The following TADA2A variants were observed in gnomAD, a reference collection of about 807,000 sequenced individuals.
TADA2A encodes transcriptional adaptor 2A, also known as transcriptional adapter 2-alpha.
A neutral mutation model predicts 67.4 loss-of-function variants in TADA2A; 38 were observed. The ratio of observed to expected loss-of-function variants is 0.56; its 90% CI spans 0.44 to 0.74. The LOEUF is 0.74. TADA2A is among the 30% of genes least tolerant of loss of function. The pLI, the probability that TADA2A is intolerant of heterozygous loss-of-function variation, is 0.00. For synonymous variants in TADA2A, 192 were observed against 181.6 expected (o/e 1.06, Z -0.46); for missense variants, 454 against 547.0 (o/e 0.83, Z 1.70).
chr17:37,465,255 A>G (rs192128571), intron 10 of TADA2A, among the ~76,000 whole-genome samples, 176 bp from the exon 11 acceptor site: 8 of 152,108 alleles, frequency 5.3e-5, no homozygotes, highest in Non-Finnish European at 1.0e-4. Flanking sequence ...TGCTGTCATT[A>G]TGATTAGTGT....
chr17:37,428,391 A>G lies in TADA2A; in HGVS notation c.192+1382A>G, dbSNP rs1034665589. Among the ~76,000 whole-genome samples the G allele has an allele frequency of 3.9e-5, 6 of 152,222 alleles. 1 individual carries two copies. The highest frequency in any genetic ancestry group is 3.3e-4 in the Admixed American group (5 of 15,274). ...GCCTTAAGGTTTTAGGAAGGATGCC[A>G]CTGTTTTGATCAGGGCATGTTCTCC... is the stretch of plus-strand genomic sequence containing the variant. On this transcript the variant is annotated intron_variant, in intron 4 of 15. Coordinates refer to ENST00000615182, the MANE Select transcript of TADA2A (RefSeq NM_001166105.3).
At chr17:37,440,765 C>A in intron 6 of TADA2A, 103 bp downstream of exon 6, 1 of 1,386,778 alleles carries the variant, frequency 7.2e-7, no homozygotes, top group Non-Finnish European at 9.9e-7. Context: ...CTAATGATAT[C>A]ACGGAAGATA....
At chr17:37,412,424 C>T (rs1597839235) in intron 2 of TADA2A, among the ~76,000 whole-genome samples, 1 of 151,912 alleles carries the variant, frequency 6.6e-6, no homozygotes, top group African/African-American at 2.4e-5. Flanking sequence ...GAGTAAACCA[C>T]GGTAGAATAA....
Position 37,427,665 on chromosome 17 carries a change from G to A in TADA2A, c.192+656G>A, listed in dbSNP as rs192023334. ...AAAGTGAATATCCAGTCTGCTTGAC[G>A]GGTATATATACCTTTGTCAAGATAG... is the stretch of plus-strand genomic sequence containing the variant. On this transcript the variant is annotated intron_variant, in intron 4 of 15. Transcript: ENST00000615182. Among the ~76,000 whole-genome samples, 372 of 152,188 alleles carry A rather than the reference G, an allele frequency of 2.4e-3. 2 individuals are homozygous for A. Among genetic ancestry groups the A allele is most frequent in the Middle Eastern group, 3.4e-3 (1 of 294 alleles).
chr17:37,474,310 CTGTA>C (rs1413718108), intron 14 of TADA2A, among the ~76,000 whole-genome samples: 1 of 152,122 alleles, frequency 6.6e-6, no homozygotes, highest in African/African-American at 2.4e-5. Context: ...GTATGTGTGA[CTGTA>C]TGTGTATTTT....
chr17:37,416,202 T>G (rs2052040574), intron 2 of TADA2A, among the ~76,000 whole-genome samples: 1 of 150,840 alleles, frequency 6.6e-6, no homozygotes, highest in African/African-American at 2.4e-5. Context: ...CACCGTAACC[T>G]CTGTCTCCCG....
chr17:37,445,684 C>G (rs1261953462), intron 8 of TADA2A, among the ~76,000 whole-genome samples: 1 of 151,650 alleles, frequency 6.6e-6, no homozygotes, highest in East Asian at 1.9e-4. Flanking sequence ...GACTTTGAGT[C>G]CCTTTTTTCC....
intron 1 of TADA2A, among the ~76,000 whole-genome samples, chr17:37,409,488 C>T (rs1480614738): frequency 2.6e-5 from 4 of 151,200 alleles, no homozygotes; most frequent in Admixed American, 6.6e-5. Context: ...GTGAGTGGGC[C>T]GGGTGCGGTG....
At chr17:37,461,373 G>T (rs2053543807) in intron 9 of TADA2A, among the ~76,000 whole-genome samples, 1 of 152,174 alleles carries the variant, frequency 6.6e-6, no homozygotes, top group Non-Finnish European at 1.5e-5. Context: ...CTCTCTGCAT[G>T]TCTGGAGTTA....
intron 9 of TADA2A, among the ~76,000 whole-genome samples, chr17:37,460,240 T>G (rs373170121): frequency 6.6e-6 from 1 of 151,414 alleles, no homozygotes; most frequent in East Asian, 2.0e-4. Flanking sequence ...TTTATTTTTA[T>G]TTTTTATTTT....
At position 37,440,194 on chromosome 17, in the gene TADA2A, A is replaced by C. The variant is rs549565353; in HGVS notation, c.285-311A>C. ...ACTCCCAACCTCAGGTGATCCACCT[A>C]CCTCCCAAAGTGCTGGGATTACAGG... On this transcript the variant is annotated intron_variant, in intron 5 of 15. Transcript: ENST00000615182. Among the ~76,000 whole-genome samples, 190 of 151,876 alleles carry C rather than the reference A, an allele frequency of 1.3e-3. 1 individual carries two copies. The highest frequency in any genetic ancestry group is 4.4e-3 in the African/African-American group (184 of 41,448).
chr17:37,411,770 C>T (rs2051880440), intron 2 of TADA2A, among the ~76,000 whole-genome samples: 1 of 151,614 alleles, frequency 6.6e-6, no homozygotes, highest in Non-Finnish European at 1.5e-5. Context: ...GGAAGTTGAT[C>T]AAGGAAGAAA....
intron 8 of TADA2A, among the ~76,000 whole-genome samples, chr17:37,448,322 G>A (rs2053138039): frequency 6.6e-6 from 1 of 152,134 alleles, no homozygotes; most frequent in African/African-American, 2.4e-5. Context: ...GGGACACAAT[G>A]GAGGGATAAT....
At chr17:37,442,743 A>C in intron 7 of TADA2A, 91 bp downstream of exon 7, 1 of 1,210,734 alleles carries the variant, frequency 8.3e-7, no homozygotes, top group South Asian at 1.5e-5. Context: ...CCATACCACT[A>C]AAAGGAGATT....
chr17:37,469,988 T>C (rs553202314), intron 12 of TADA2A, among the ~76,000 whole-genome samples: 2 of 152,344 alleles, frequency 1.3e-5, no homozygotes, highest in East Asian at 3.9e-4. Flanking sequence ...TTTGTAATTC[T>C]AATTGTTTTT....
intron 2 of TADA2A, among the ~76,000 whole-genome samples, chr17:37,415,597 C>T (rs1029082462): frequency 7.3e-5 from 11 of 151,372 alleles, no homozygotes; most frequent in Admixed American, 4.6e-4. Context: ...AAGAGTGCCC[C>T]GGCTGGGCGC....
intron 8 of TADA2A, among the ~76,000 whole-genome samples, chr17:37,453,976 T>G (rs1245213744): frequency 2.0e-5 from 3 of 151,984 alleles, no homozygotes; most frequent in Non-Finnish European, 4.4e-5. Flanking sequence ...TTTCACCATG[T>G]TGGCCAGGCT....
rs141071749 is a variant in TADA2A at position 37,414,977 on chromosome 17, C to T, written c.25+3587C>T. ...CCACGATCTCAGCTTACTGCAGTCT[C>T]CACCTCCTGGATTCAGGTGATTGTC... On this transcript the variant is annotated intron_variant, in intron 2 of 15. Coordinates refer to ENST00000615182, the MANE Select transcript of TADA2A (RefSeq NM_001166105.3). Among the ~76,000 whole-genome samples, 4 of 152,054 alleles carry T rather than the reference C, an allele frequency of 2.6e-5. No homozygotes were observed. In the East Asian group the frequency reaches 7.7e-4, roughly 29 times the overall value.
chr17:37,415,238 A>T (rs2052004400), intron 2 of TADA2A, among the ~76,000 whole-genome samples: 1 of 152,130 alleles, frequency 6.6e-6, no homozygotes, highest in South Asian at 2.1e-4. Flanking sequence ...TTGTACTTTT[A>T]AAAAAATTCT....
Sources: gnomAD v4.1 joint callset for allele counts (sites outside exome capture counted in the v4.1 genomes callset) on GRCh38, gnomAD v4.1.1 for gene constraint, MANE v1.5 for transcripts, NCBI Gene and HGNC (gene_info 2026-07-23, HGNC 2026-07-21) for gene names.